PKIB: variants seen among roughly 807,000 people sequenced by gnomAD.
The protein encoded by PKIB is PKI-beta.
Under a neutral mutation model 4.5 loss-of-function variants are expected in PKIB, and 2 were observed. The ratio of observed to expected loss-of-function variants is 0.44; its 90% CI spans 0.18 to 1.39. PKIB has a LOEUF of 1.39. PKIB is among the 40% of genes most tolerant of loss of function. The pLI is 0.27. For synonymous variants in PKIB, 38 were observed against 36.0 expected (o/e 1.06, Z -0.20); for missense variants, 94 against 92.6 (o/e 1.02, Z -0.06).
intron 3 of PKIB, among the ~76,000 whole-genome samples, chr6:122,686,492 A>G (rs937190211): frequency 6.6e-6 from 1 of 151,260 alleles, no homozygotes; most frequent in East Asian, 1.9e-4. Flanking sequence ...GCCCATTTAT[A>G]TATATATATA....
intron 2 of PKIB, among the ~76,000 whole-genome samples, chr6:122,656,852 T>C (rs1776793989): frequency 6.6e-6 from 1 of 152,222 alleles, no homozygotes; most frequent in Non-Finnish European, 1.5e-5. Flanking sequence ...CATCTCCAGG[T>C]TGTTCACCTC....
intron 2 of PKIB, among the ~76,000 whole-genome samples, chr6:122,519,283 C>T (rs1026342780): frequency 2.0e-5 from 3 of 152,120 alleles, no homozygotes; most frequent in African/African-American, 7.2e-5. Flanking sequence ...TCTCCCATCA[C>T]CCCCAGATGA....
chr6:122,510,255 G>A (rs536349918), intron 2 of PKIB, among the ~76,000 whole-genome samples: 3 of 152,058 alleles, frequency 2.0e-5, no homozygotes, highest in Non-Finnish European at 4.4e-5. Flanking sequence ...CATTGAATAA[G>A]TTGGTTTTTA....
intron 2 of PKIB, among the ~76,000 whole-genome samples, chr6:122,514,261 T>G (rs1776676871): frequency 6.6e-6 from 1 of 152,180 alleles, no homozygotes; most frequent in African/African-American, 2.4e-5. Context: ...TATGCTTTCC[T>G]TTTGGTTTGG....
chr6:122,537,911 C>T (rs1777456952), intron 2 of PKIB, among the ~76,000 whole-genome samples: 1 of 151,922 alleles, frequency 6.6e-6, no homozygotes, highest in African/African-American at 2.4e-5. Context: ...TTTTGATTTG[C>T]ATTTCTCTGA....
At chr6:122,537,255 G>T (rs1408431507) in intron 2 of PKIB, among the ~76,000 whole-genome samples, 2 of 151,986 alleles carry the variant, frequency 1.3e-5, no homozygotes, top group Admixed American at 6.6e-5. Context: ...CCATGTTGGT[G>T]TGCTGCACCC....
chr6:122,581,372 A>T (rs964687045), intron 2 of PKIB, among the ~76,000 whole-genome samples: 24 of 152,148 alleles, frequency 1.6e-4, no homozygotes, highest in African/African-American at 5.5e-4. Flanking sequence ...ATATAAGACT[A>T]TCCTTTCCAT....
chr6:122,544,348 TAAC>T (rs987420666), intron 2 of PKIB, among the ~76,000 whole-genome samples: 1 of 145,652 alleles, frequency 6.9e-6, no homozygotes, highest in African/African-American at 2.6e-5. Flanking sequence ...GTCATATACT[TAAC>T]CCTAAATAAA....
intron 2 of PKIB, among the ~76,000 whole-genome samples, chr6:122,506,134 G>A (rs1311196570): frequency 6.6e-6 from 1 of 152,000 alleles, no homozygotes; most frequent in Admixed American, 6.5e-5. Flanking sequence ...GGTCTATTGA[G>A]GAAAACTGGT....
At chr6:122,500,154 A>G (rs981261724) in intron 2 of PKIB, among the ~76,000 whole-genome samples, 1 of 152,206 alleles carries the variant, frequency 6.6e-6, no homozygotes, top group Non-Finnish European at 1.5e-5. Context: ...TGCTATTTCT[A>G]TGAAACTATT....
intron 1 of PKIB, among the ~76,000 whole-genome samples, chr6:122,472,627 C>T (rs1775336936): frequency 6.6e-6 from 1 of 152,068 alleles, no homozygotes; most frequent in South Asian, 2.1e-4. Context: ...ATTCCCATAA[C>T]TAATAATAAG....
intron 2 of PKIB, among the ~76,000 whole-genome samples, chr6:122,539,942 C>A (rs1413951981): frequency 6.6e-6 from 1 of 152,056 alleles, no homozygotes; most frequent in Non-Finnish European, 1.5e-5. Flanking sequence ...TTATCCATTT[C>A]TTCTAGATTT....
intron 2 of PKIB, among the ~76,000 whole-genome samples, chr6:122,535,092 CTT>C (rs986743794): frequency 2.6e-5 from 4 of 152,028 alleles, no homozygotes; most frequent in African/African-American, 9.7e-5. Context: ...CTCTCTCTCT[CTT>C]CTCTCTCTCT....
At chr6:122,610,215 G>GC (rs1428446178), upstream of PKIB, 2 of 152,232 alleles carry the variant, frequency 1.3e-5, no homozygotes, top group Non-Finnish European at 1.5e-5. Flanking sequence ...AAAAGAGCTC[G>GC]CCCCAGGCTG....
intron 2 of PKIB, among the ~76,000 whole-genome samples, chr6:122,522,456 C>CA (rs954414224): frequency 6.6e-6 from 1 of 152,034 alleles, no homozygotes; most frequent in African/African-American, 2.4e-5. Context: ...ACAACAACAA[C>CA]AAAAAACAAC....
chr6:122,712,862 G>A (rs542399860), intron 3 of PKIB, among the ~76,000 whole-genome samples: 1 of 152,124 alleles, frequency 6.6e-6, no homozygotes, highest in East Asian at 1.9e-4. Context: ...CTGTTGTGGG[G>A]AGGAAACAGT....
intron 2 of PKIB, among the ~76,000 whole-genome samples, chr6:122,501,966 T>G (rs1411051708): frequency 2.6e-5 from 4 of 151,472 alleles, no homozygotes; most frequent in Non-Finnish European, 5.9e-5. Context: ...ATTTTATTTT[T>G]TTCGAGATGG....
At chr6:122,543,081 G>A (rs1017014000) in intron 2 of PKIB, among the ~76,000 whole-genome samples, 4 of 152,178 alleles carry the variant, frequency 2.6e-5, no homozygotes, top group Non-Finnish European at 5.9e-5. Flanking sequence ...GCAGTATTAG[G>A]GTGGGAGTGA....
At chr6:122,649,843 G>C (rs1257928089) in intron 2 of PKIB, among the ~76,000 whole-genome samples, 1 of 152,156 alleles carries the variant, frequency 6.6e-6, no homozygotes, top group African/African-American at 2.4e-5. Context: ...AGTTTGCACT[G>C]TGATTCACCT....
Sources: gnomAD v4.1 joint callset for allele counts (sites outside exome capture counted in the v4.1 genomes callset) on GRCh38, gnomAD v4.1.1 for gene constraint, MANE v1.5 for transcripts, NCBI Gene and HGNC (gene_info 2026-07-23, HGNC 2026-07-21) for gene names.